The following ACOX3 variants were observed in gnomAD, a reference collection of about 807,000 sequenced individuals.
The protein encoded by ACOX3 is peroxisomal acyl-coenzyme A oxidase 3.
In ACOX3, 73 loss-of-function variants were observed where a neutral mutation model predicts 81.5. The observed-to-expected ratio is 0.90, with a 90% CI of 0.74 to 1.09. ACOX3 has a LOEUF of 1.09. Among genes scored for constraint, ACOX3 ranks in the 50% least tolerant of loss-of-function variants. The pLI is 0.00. For synonymous variants in ACOX3, 387 were observed against 375.1 expected, an observed-to-expected ratio of 1.03 and a Z score of -0.37; for missense variants, 947 against 928.0, an observed-to-expected ratio of 1.02 and a Z score of -0.27.
At chr4:8,375,239 C>T (rs370870436) in intron 14 of ACOX3, 87 bp from the exon 15 acceptor site, 27 of 1,329,500 alleles carry the variant, frequency 2.0e-5, no homozygotes, top group Admixed American at 1.8e-4. Flanking sequence ...GAAACACGAA[C>T]GCGGGTCTGC....
In ACOX3 at chr4:8,382,990, C is replaced by CAA. The variant is rs143092717; in HGVS notation, c.1538-1385_1538-1384dup. ...TGGGCGACAGAGCGAGACTCCGTCT[C>CAA]AAAAAAAAAAAAAAAAGAAAAGAAA... On this transcript the variant is annotated intron_variant, in intron 13 of 17. Transcript: ENST00000356406. This position sits in a 1 kb window ranked among gnomAD's most constrained non-coding sequence, Gnocchi z 4.1. 5.1e-3 allele frequency among the ~76,000 whole-genome samples: 361 copies of CAA among 71,354 alleles called. 3 individuals are homozygous for CAA. Among genetic ancestry groups the CAA allele is most frequent in the South Asian group, 8.1e-3 (18 of 2,220 alleles). The allele number at this position is 71,354 out of a possible 152,430, so 46.8% of individuals were successfully genotyped here.
intron 16 of ACOX3, among the ~76,000 whole-genome samples, chr4:8,371,536 A>C (rs1716197363): frequency 2.0e-5 from 3 of 152,166 alleles, no homozygotes; most frequent in Admixed American, 2.0e-4. Flanking sequence ...TTAAGATGCA[A>C]AACAAAAATT....
intron 1 of ACOX3, among the ~76,000 whole-genome samples, chr4:8,418,938 A>G (rs904500679): frequency 2.0e-5 from 3 of 152,216 alleles, no homozygotes; most frequent in African/African-American, 7.2e-5. Flanking sequence ...CACCAGGAAA[A>G]TGCAAACCAA....
rs1721572598 is a variant in ACOX3, at chr4:8,410,238, G to A, written c.661C>T (p.His221Tyr). ...TGCACGATAAAGGGATGCAGCCCAT[G>A]GCACTGGTCCCCTGGCACACACAGC... is the stretch of plus-strand genomic sequence containing the variant. ...AKLCVPGDQCHGLHPFIVQIR... is the reference protein window; with the variant it reads ...AKLCVPGDQCYGLHPFIVQIR... Residue 221 changes from histidine (H) to tyrosine (Y), a missense_variant, in exon 6 of 18, where the codon CAT becomes TAT. Coordinates refer to ENST00000356406, the MANE Select transcript of ACOX3 (RefSeq NM_003501.3). 6.2e-7 allele frequency: 1 copy of A among 1,613,976 alleles called. No individual in the cohort carries two copies. The highest frequency in any genetic ancestry group is 1.3e-5 in the African/African-American group (1 of 74,926).
chr4:8,373,604 G>C lies in ACOX3; in HGVS notation c.1853C>G (p.Ala618Gly). ...YRGGYFSGEQ[A>G]GEVLESAVLA... ...GACGGCGCTCTCCAACACTTCTCCC[G>C]CCTGCTCACCGGAGAAGTATCCTCC... The change falls in exon 16 of 18, where the codon GCG becomes GGG. Residue 618 changes from alanine (A) to glycine (G), a missense_variant. Physicochemically the swap from Ala to Gly is moderately conservative, Grantham distance 60 (BLOSUM62 0). Transcript: ENST00000356406. 1 of 1,613,258 alleles carries C rather than the reference G, an allele frequency of 6.2e-7. No individual in the cohort carries two copies. The highest frequency in any genetic ancestry group is 8.5e-7 in the Non-Finnish European group (1 of 1,179,626).
chr4:8,360,868 A>C, the ACOX3 span, among the ~76,000 whole-genome samples: 1 of 152,152 alleles, frequency 6.6e-6, no homozygotes, highest in Non-Finnish European at 1.5e-5. Flanking sequence ...GCTATGCTGG[A>C]GTCAGCCCCC....
intron 1 of ACOX3, among the ~76,000 whole-genome samples, chr4:8,440,216 T>G (rs887022429): frequency 3.3e-5 from 5 of 152,260 alleles, no homozygotes; most frequent in Non-Finnish European, 2.9e-5. Flanking sequence ...ATTTCTTTTT[T>G]GGGGAGCTCA....
At position 8,414,431 on chromosome 4, in the gene ACOX3, A is replaced by C; in HGVS notation, c.454-50T>G. 5.3e-6 allele frequency: 8 copies of C among 1,522,912 alleles called. No individual in the cohort carries two copies. The highest frequency in any genetic ancestry group is 7.3e-6 in the Non-Finnish European group (8 of 1,097,490). The allele number at this position is 1,522,912 out of a possible 1,614,324, so 94.3% of individuals were successfully genotyped here. ...GGAAAGCAAGAAAAGTTCTTTGTGC[A>C]CATTCCCAGAAGGACCTCACTGCCA... On this transcript the variant is annotated intron_variant, in intron 4 of 17. Coordinates refer to ENST00000356406, the MANE Select transcript of ACOX3 (RefSeq NM_003501.3). The surrounding 1 kb of genome is among the most constrained non-coding windows in gnomAD (Gnocchi z 6.1).
rs1490521675 is a variant in ACOX3, at chr4:8,414,254, G to A, written c.543+38C>T. 3.2e-6 allele frequency: 5 copies of A among 1,555,850 alleles called. No homozygotes were observed. Among genetic ancestry groups the A allele is most frequent in the East Asian group, 4.5e-5 (2 of 44,576 alleles). ...CATTTGCACTCATGACGTCTCATATGCTCCAAACTCAGGGACCCGGGGGAA... is the reference window on the plus strand; with the variant it reads ...CATTTGCACTCATGACGTCTCATATACTCCAAACTCAGGGACCCGGGGGAA... On this transcript the variant is annotated intron_variant, in intron 5 of 17. Transcript: ENST00000356406. The surrounding 1 kb of genome is among the most constrained non-coding windows in gnomAD (Gnocchi z 6.1).
chr4:8,377,249 G>A (rs1286732665), intron 14 of ACOX3, among the ~76,000 whole-genome samples: 2 of 152,166 alleles, frequency 1.3e-5, no homozygotes, highest in Non-Finnish European at 2.9e-5. Flanking sequence ...AGTGAGCCCT[G>A]TGCCCCGCAC....
chr4:8,384,557 C>T lies in ACOX3; in HGVS notation c.1538-2950G>A, dbSNP rs1263400588. 6.6e-6 allele frequency among the ~76,000 whole-genome samples: 1 copy of T among 152,200 alleles called. No homozygotes were observed. Among genetic ancestry groups the T allele is most frequent in the Non-Finnish European group, 1.5e-5 (1 of 68,040 alleles). The stretch of plus-strand genomic sequence containing the variant: ...GTCACCACGGCCTTTCCATGTGCCT[C>T]ACACCAGAAGGACTCTCGAAGGTGC... On this transcript the variant is annotated intron_variant, in intron 13 of 17. Transcript: ENST00000356406. This position sits in a 1 kb window ranked among gnomAD's most constrained non-coding sequence, Gnocchi z 5.3.
intron 16 of ACOX3, among the ~76,000 whole-genome samples, chr4:8,372,173 C>T (rs532477054): frequency 2.9e-4 from 44 of 152,328 alleles, no homozygotes; most frequent in African/African-American, 9.4e-4. Flanking sequence ...TTACGGCTCA[C>T]TGCAGCCTCG....
At chr4:8,424,594 G>T (rs377189423) in intron 1 of ACOX3, among the ~76,000 whole-genome samples, 10 of 152,246 alleles carry the variant, frequency 6.6e-5, no homozygotes, top group Middle Eastern at 6.8e-3. Flanking sequence ...TGATGTGGAC[G>T]GCATACTCAC....
At chr4:8,362,737 T>G (rs923103109), downstream of ACOX3, among the ~76,000 whole-genome samples, 7 of 152,222 alleles carry the variant, frequency 4.6e-5, no homozygotes. Flanking sequence ...CCAAGCTATC[T>G]TGAGGCTCAA....
chr4:8,358,918 C>A, the ACOX3 span, among the ~76,000 whole-genome samples: 1 of 152,104 alleles, frequency 6.6e-6, no homozygotes, highest in Admixed American at 6.5e-5. Flanking sequence ...AATTTGCTTT[C>A]ACTTCATGAA....
chr4:8,429,730 G>A (rs575691566), intron 1 of ACOX3, among the ~76,000 whole-genome samples: 9 of 152,154 alleles, frequency 5.9e-5, no homozygotes, highest in Middle Eastern at 3.4e-3. Context: ...AACAAGGTTG[G>A]GCATTACAAC....
rs551024942 is a variant in ACOX3, at chr4:8,387,607, A to C, written c.1537+1566T>G. 1.2e-4 allele frequency among the ~76,000 whole-genome samples: 19 copies of C among 152,306 alleles called. 1 individual carries two copies. The East Asian group carries it at 3.7e-3, about 29-fold the overall frequency. The stretch of plus-strand genomic sequence containing the variant: ...GCTGTTCTCTGTGATACGCGGCTTT[A>C]CAGACGGGGGCTGTGGTGGGAGGAA... On this transcript the variant is annotated intron_variant, in intron 13 of 17. Coordinates refer to ENST00000356406, the MANE Select transcript of ACOX3 (RefSeq NM_003501.3).
chr4:8,395,787 C>T (rs1263769537), intron 9 of ACOX3, among the ~76,000 whole-genome samples: 1 of 152,224 alleles, frequency 6.6e-6, no homozygotes, highest in Admixed American at 6.5e-5. Context: ...GCATGAATGG[C>T]AACACTTACT....
chr4:8,433,666 CT>C (rs567260441), intron 1 of ACOX3, among the ~76,000 whole-genome samples: 87 of 152,326 alleles, frequency 5.7e-4, no homozygotes, highest in African/African-American at 2.0e-3. Context: ...TTGGTCTGTG[CT>C]TTTATCTCTA....
Sources: allele counts gnomAD v4.1 joint callset (sites outside exome capture counted in the v4.1 genomes callset), GRCh38; gene constraint gnomAD v4.1.1; non-coding constraint Gnocchi (gnomAD v3.1); transcripts MANE v1.5; gene names NCBI Gene and HGNC (gene_info 2026-07-23, HGNC 2026-07-21).